The following IL4I1 variants were observed in gnomAD, a reference collection of about 807,000 sequenced individuals.
IL4I1 encodes the protein L-amino-acid oxidase.
IL4I1 carries 24 observed loss-of-function variants against 29.7 expected under a neutral mutation model. The ratio of observed to expected loss-of-function variants is 0.81; its 90% CI spans 0.59 to 1.14. The LOEUF (loss-of-function observed/expected upper bound fraction) is 1.14. IL4I1 is among the 50% of genes most tolerant of loss of function. The probability of loss-of-function intolerance (pLI) is 0.00; values close to 1 mark genes in which losing one functional copy is unlikely to be tolerated. For missense variants in IL4I1, 686 were observed against 785.6 expected (o/e 0.87, Z 1.52); for synonymous variants, 371 against 352.5 (o/e 1.05, Z -0.59).
chr19:49,922,745 T>G (rs1033854322), intron 2 of IL4I1, among the ~76,000 whole-genome samples: 1 of 150,656 alleles, frequency 6.6e-6, no homozygotes, highest in Non-Finnish European at 1.5e-5. Flanking sequence ...GCTTCTCCCG[T>G]GAAACCAGCA....
intron 2 of IL4I1, chr19:49,907,313 TG>T: frequency 3.2e-6 from 1 of 309,988 alleles, no homozygotes; most frequent in Non-Finnish European, 6.2e-6. Context: ...AGGCCCAAGG[TG>T]GGGGTGAGCC....
At chr19:49,899,310 T>C (rs960572771), upstream of IL4I1, among the ~76,000 whole-genome samples, 2 of 152,152 alleles carry the variant, frequency 1.3e-5, no homozygotes, top group African/African-American at 4.8e-5. Context: ...CTTGTCCTTA[T>C]CACAGAGGGT....
At chr19:49,901,599 G>A (rs371826228), upstream of IL4I1, 20 of 1,385,558 alleles carry the variant, frequency 1.4e-5, no homozygotes, top group East Asian at 1.9e-4. Flanking sequence ...CCTCCTTCCT[G>A]TTTCCAGAAC....
chr19:49,890,139 C>G lies in IL4I1; in HGVS notation c.1235G>C (p.Arg412Pro). The change falls in exon 8 of 8, where the codon CGG (arginine) becomes CCG (proline). Residue 412 changes from arginine to proline, a missense_variant. By Grantham distance (103) the Arg-to-Pro change is moderately radical (BLOSUM62 -2). Transcript: ENST00000391826. Reference sequence around the variant, plus strand: ...GAGCGCCAAGCGCAACGCCTCTTCCCGGCTCAAGCCGGCGAACGCTGCCGC... The same window carrying G: ...GAGCGCCAAGCGCAACGCCTCTTCCGGGCTCAAGCCGGCGAACGCTGCCGC... The part of the protein sequence containing the change: ...DAAAAFAGLS[R>P]EEALRLALDD... The G allele has an allele frequency of 1.3e-6, 2 of 1,541,564 alleles. No homozygotes were observed. Among genetic ancestry groups the G allele is most frequent in the Non-Finnish European group, 1.7e-6 (2 of 1,143,848 alleles).
At chr19:49,890,941 C>CA (rs1410709467) in intron 7 of IL4I1, 30 bp downstream of exon 7, 1 of 491,404 alleles carries the variant, frequency 2.0e-6, no homozygotes, top group South Asian at 3.3e-5. Context: ...CCCCCGCCCC[C>CA]CCCCCCTGCC....
rs2075200164 is a variant in IL4I1 at position 49,895,808 on chromosome 19, T to C, written c.252+7A>G. 1 of 1,601,638 alleles carries C rather than the reference T, an allele frequency of 6.2e-7. No homozygotes were observed. The highest frequency in any genetic ancestry group is 2.3e-5 in the East Asian group (1 of 43,906). On this transcript the variant is annotated splice_region_variant and intron_variant, in intron 3 of 7. Coordinates refer to ENST00000391826, the MANE Select transcript of IL4I1 (RefSeq NM_152899.2). ...ACTCCAGGTAGACTGCAAGCAGTGC[T>C]TCCCACCTTGTGTCCAGCATCGCTG... is the stretch of plus-strand genomic sequence containing the variant.
chr19:49,900,744 C>A (rs1412178664), upstream of IL4I1, among the ~76,000 whole-genome samples: 1 of 152,082 alleles, frequency 6.6e-6, no homozygotes, highest in African/African-American at 2.4e-5. Context: ...AGGAAAGGCC[C>A]AGTCAAGTAT....
intron 3 of IL4I1, among the ~76,000 whole-genome samples, chr19:49,895,428 C>T (rs1335442925): frequency 6.6e-6 from 1 of 152,160 alleles, no homozygotes; most frequent in South Asian, 2.1e-4. Context: ...CGGAGATGAC[C>T]CATATGCGTA....
intron 2 of IL4I1, among the ~76,000 whole-genome samples, chr19:49,905,499 G>A (rs1600486754): frequency 6.6e-6 from 1 of 152,230 alleles, no homozygotes; most frequent in Admixed American, 6.5e-5. Context: ...TAGCTGGGTT[G>A]TGGGGTCTTC....
intron 3 of IL4I1, among the ~76,000 whole-genome samples, chr19:49,903,847 T>G (rs933221303): frequency 1.4e-5 from 2 of 144,680 alleles, no homozygotes; most frequent in African/African-American, 5.2e-5. Context: ...TTTTTTTTTT[T>G]TTTTTTTTTG....
intron 2 of IL4I1, chr19:49,917,554 G>A (rs1003539607): frequency 6.6e-6 from 1 of 152,276 alleles, no homozygotes; most frequent in African/African-American, 2.4e-5. Context: ...GAGTGCCTTG[G>A]GAGCATGAGA....
Position 49,890,555 on chromosome 19 carries a change from C to T in IL4I1, c.819G>A (p.Leu273=). ...VGGWDLLPRA[L]LSSLSGLVLL... The stretch of plus-strand genomic sequence containing the variant: ...GCACAAGCCCGGACAGCGAGCTCAG[C>T]AGCGCGCGCGGCAGCAGGTCCCAGC... Residue 273 remains leucine, a synonymous_variant, in exon 8 of 8, where the codon CTG becomes CTA. Coordinates refer to ENST00000391826, the MANE Select transcript of IL4I1 (RefSeq NM_152899.2). The T allele has an allele frequency of 6.3e-7, 1 of 1,596,986 alleles. No individual in the cohort carries two copies.
At chr19:49,908,766 C>G in intron 2 of IL4I1, 2 of 1,613,764 alleles carry the variant, frequency 1.2e-6, no homozygotes, top group Non-Finnish European at 1.7e-6. Context: ...AAGTGCCGCT[C>G]CTGGTCCTCT....
chr19:49,914,670 C>CTTT (rs2075572364), intron 2 of IL4I1, among the ~76,000 whole-genome samples: 2 of 147,610 alleles, frequency 1.4e-5, no homozygotes, highest in South Asian at 4.4e-4. Context: ...CCCCAGCCTT[C>CTTT]GGTCAGCTCT....
chr19:49,924,597 A>G (rs1479253038), intron 2 of IL4I1, among the ~76,000 whole-genome samples: 3 of 152,118 alleles, frequency 2.0e-5, no homozygotes, highest in African/African-American at 4.8e-5. Context: ...GTTGAAGGGG[A>G]GCTCGAGGCT....
In IL4I1 at chr19:49,896,154, G is replaced by A. The variant is rs767829902; in HGVS notation, c.7C>T (p.Pro3Ser). 3.9e-6 allele frequency: 6 copies of A among 1,542,684 alleles called. No homozygotes were observed. Among genetic ancestry groups the A allele is most frequent in the Middle Eastern group, 3.4e-4 (2 of 5,812 alleles). The change falls in exon 2 of 8, where the codon CCA becomes TCA. Residue 3 changes from proline (P) to serine (S), a missense_variant. By Grantham distance (74) the Pro-to-Ser change is moderately conservative (BLOSUM62 -1). Coordinates refer to ENST00000391826, the MANE Select transcript of IL4I1 (RefSeq NM_152899.2). Reference sequence around the variant, plus strand: ...CCCTCCCCTGCTTACTCACCCAATGGGGCCATGACTCTCGGTGGGAGATGG... The same window carrying A: ...CCCTCCCCTGCTTACTCACCCAATGAGGCCATGACTCTCGGTGGGAGATGG... MA[P>S]LALHLLVLVP...
intron 2 of IL4I1, among the ~76,000 whole-genome samples, chr19:49,923,177 G>A (rs977300545): frequency 1.3e-5 from 2 of 152,166 alleles, no homozygotes; most frequent in Non-Finnish European, 2.9e-5. Flanking sequence ...GTGGCAGCCT[G>A]TGCTGTCTCC....
At chr19:49,916,945 G>A (rs1218407459) in intron 2 of IL4I1, among the ~76,000 whole-genome samples, 2 of 152,196 alleles carry the variant, frequency 1.3e-5, no homozygotes, top group Non-Finnish European at 2.9e-5. Flanking sequence ...GTTCTGGGAG[G>A]CACTTGAACA....
At chr19:49,897,596 A>G (rs2122538448), upstream of IL4I1, among the ~76,000 whole-genome samples, 2 of 152,340 alleles carry the variant, frequency 1.3e-5, no homozygotes, top group Middle Eastern at 6.8e-3. Context: ...CTGTGGCCGC[A>G]GGGGCACTCA....
Sources: allele counts gnomAD v4.1 joint callset (sites outside exome capture counted in the v4.1 genomes callset), GRCh38; gene constraint gnomAD v4.1.1; transcripts MANE v1.5; gene names NCBI Gene and HGNC (gene_info 2026-07-23, HGNC 2026-07-21).